TRAPPC9: variants seen among roughly 807,000 people sequenced by gnomAD.
The protein encoded by TRAPPC9 is trafficking protein particle complex subunit 9, also known as IKK2 binding protein.
A neutral mutation model predicts 124.0 loss-of-function variants in TRAPPC9; 83 were observed. That is an observed-to-expected ratio of 0.67 (90% CI 0.56 to 0.80). The LOEUF (loss-of-function observed/expected upper bound fraction) is 0.80, where lower values mean the gene tolerates loss of function less well. Among genes scored for constraint, TRAPPC9 ranks in the 30% least tolerant of loss-of-function variants. The pLI, the probability that TRAPPC9 is intolerant of heterozygous loss-of-function variation, is 0.00. For synonymous variants in TRAPPC9, 638 were observed against 617.5 expected (o/e 1.03, Z -0.49); for missense variants, 1,302 against 1,508.3 (o/e 0.86, Z 2.27).
chr8:140,402,885 G>A (rs761714322), intron 6 of TRAPPC9, among the ~76,000 whole-genome samples: 12 of 151,980 alleles, frequency 7.9e-5, no homozygotes, highest in Admixed American at 3.3e-4. Context: ...ATTGTGGTGC[G>A]ACAATGAGGT....
chr8:140,003,601 C>CAAAAAA (rs58826807), intron 18 of TRAPPC9, among the ~76,000 whole-genome samples: 3 of 91,358 alleles, frequency 3.3e-5, no homozygotes, highest in Admixed American at 1.2e-4. Context: ...GACCCTGTCA[C>CAAAAAA]AAAAAAAAAA....
chr8:140,208,414 A>G (rs575393489), intron 17 of TRAPPC9, among the ~76,000 whole-genome samples: 1 of 152,338 alleles, frequency 6.6e-6, no homozygotes, highest in South Asian at 2.1e-4. Context: ...CACCAGAAGT[A>G]GCGGCAGCAC....
chr8:140,376,180 A>T (rs942492578), intron 7 of TRAPPC9, among the ~76,000 whole-genome samples: 2 of 152,224 alleles, frequency 1.3e-5, no homozygotes, highest in Non-Finnish European at 2.9e-5. Flanking sequence ...AATGAAAACA[A>T]AGCAAAACAA....
chr8:139,844,456 C>T (rs528955112), intron 21 of TRAPPC9, among the ~76,000 whole-genome samples: 189 of 152,354 alleles, frequency 1.2e-3, no homozygotes, highest in African/African-American at 4.4e-3. Flanking sequence ...CGTTCCTTCC[C>T]TGCTCTTTCT....
chr8:139,827,496 G>C (rs1454304222), intron 21 of TRAPPC9, among the ~76,000 whole-genome samples: 1 of 152,224 alleles, frequency 6.6e-6, no homozygotes, highest in East Asian at 1.9e-4. Flanking sequence ...GGGGCTAAGG[G>C]AGATGGCCAC....
chr8:140,106,240 G>A (rs983746089), intron 17 of TRAPPC9, among the ~76,000 whole-genome samples: 3 of 152,134 alleles, frequency 2.0e-5, no homozygotes, highest in Admixed American at 1.3e-4. Flanking sequence ...GAGGCCCCGG[G>A]TCCCAAAGAA....
At chr8:139,849,623 T>C (rs1381141148) in intron 21 of TRAPPC9, among the ~76,000 whole-genome samples, 1 of 152,258 alleles carries the variant, frequency 6.6e-6, no homozygotes, top group African/African-American at 2.4e-5. Flanking sequence ...TATTCAATAA[T>C]GCGCCATATG....
intron 17 of TRAPPC9, chr8:140,096,742 G>A (rs1347612080): frequency 6.6e-6 from 1 of 152,214 alleles, no homozygotes; most frequent in Non-Finnish European, 1.5e-5. Flanking sequence ...GAGATACTGG[G>A]TAGGTAAGTG....
intron 20 of TRAPPC9, among the ~76,000 whole-genome samples, chr8:139,893,834 TCAAA>T (rs1248355904): frequency 2.0e-5 from 3 of 152,004 alleles, no homozygotes; most frequent in African/African-American, 7.3e-5. Flanking sequence ...CTCGGGAAGG[TCAAA>T]CAACTTGCTG....
At chr8:139,890,602 T>G (rs901461280) in intron 20 of TRAPPC9, among the ~76,000 whole-genome samples, 12 of 152,152 alleles carry the variant, frequency 7.9e-5, no homozygotes, top group African/African-American at 2.9e-4. Context: ...CCCTTCCCGG[T>G]CTGTTTTCTC....
rs1419336325 is a variant in TRAPPC9, at chr8:140,300,524, G to A, written c.1713C>T (p.Phe571=). ...LGQNVSTKSP[F]IYSPIIAHNR... is the part of the protein sequence containing the mutation. Reference sequence around the variant, plus strand: ...TGTGTGCGATAATTGGTGAATAGATGAAAGGACTTTTGGTTGACACGTTCT... The same window carrying A: ...TGTGTGCGATAATTGGTGAATAGATAAAAGGACTTTTGGTTGACACGTTCT... Residue 571 remains phenylalanine, a synonymous_variant, in exon 11 of 23, where the codon TTC becomes TTT. Coordinates refer to ENST00000438773, the MANE Select transcript of TRAPPC9 (RefSeq NM_001160372.4). 4.3e-6 allele frequency: 7 copies of A among 1,614,134 alleles called. No homozygotes were observed. Among genetic ancestry groups the A allele is most frequent in the Middle Eastern group, 3.3e-4 (2 of 6,084 alleles).
Position 139,728,206 on chromosome 8 carries a change from A to T in TRAPPC9, c.*2855T>A, listed in dbSNP as rs1057357165. Among the ~76,000 whole-genome samples, 26 of 152,182 alleles carry T rather than the reference A, an allele frequency of 1.7e-4. No homozygotes were observed. The highest frequency in any genetic ancestry group is 4.6e-4 in the Admixed American group (7 of 15,282). On this transcript the variant is annotated 3_prime_UTR_variant, in exon 23 of 23. Coordinates refer to ENST00000438773, the MANE Select transcript of TRAPPC9 (RefSeq NM_001160372.4). Reference sequence around the variant, plus strand: ...TCAGCATCTCAGACATCTTCCTTTGAATCCTTGCCTTCCTTGTGAATTTCA... The same window carrying T: ...TCAGCATCTCAGACATCTTCCTTTGTATCCTTGCCTTCCTTGTGAATTTCA...
chr8:139,805,539 T>C (rs1823989385), intron 21 of TRAPPC9, among the ~76,000 whole-genome samples: 1 of 152,210 alleles, frequency 6.6e-6, no homozygotes, highest in Non-Finnish European at 1.5e-5. Context: ...AGTGTGGGCT[T>C]GGCACTGTGC....
intron 4 of TRAPPC9, among the ~76,000 whole-genome samples, chr8:140,430,781 G>A (rs922822797): frequency 6.6e-6 from 1 of 152,122 alleles, no homozygotes; most frequent in African/African-American, 2.4e-5. Flanking sequence ...TGGGACTACA[G>A]GCACGCGCCA....
At chr8:139,846,211 G>A (rs918602484) in intron 21 of TRAPPC9, among the ~76,000 whole-genome samples, 1 of 152,250 alleles carries the variant, frequency 6.6e-6, no homozygotes, top group Non-Finnish European at 1.5e-5. Flanking sequence ...GTCCCAGCAA[G>A]AACAGATGCC....
intron 18 of TRAPPC9, among the ~76,000 whole-genome samples, chr8:139,996,158 C>CAAAAAAAAAAAAAAAAAAAAAAA: frequency 5.1e-5 from 1 of 19,424 alleles, no homozygotes; most frequent in African/African-American, 2.1e-4. Flanking sequence ...AAAACTTAAG[C>CAAAAAAAAAAAAAAAAAAAAAAA]AAAAAAAAAA....
rs1171345289 is a variant in TRAPPC9, at chr8:139,747,991, G to A, written c.3056-15789C>T. Reference sequence around the variant, plus strand: ...GTGCAGGGATCAGAGAAGATGCAGGGGGTATACACAGCAAGTGTCACAGCA... The same window carrying A: ...GTGCAGGGATCAGAGAAGATGCAGGAGGTATACACAGCAAGTGTCACAGCA... On this transcript the variant is annotated intron_variant, in intron 21 of 22. Transcript: ENST00000438773. Among the ~76,000 whole-genome samples, 106 of 51,040 alleles carry A rather than the reference G, an allele frequency of 2.1e-3. 1 individual carries two copies. Among genetic ancestry groups the A allele is most frequent in the East Asian group, 2.6e-3 (4 of 1,538 alleles). The allele number at this position is 51,040 out of a possible 152,430, so 33.5% of individuals were successfully genotyped here.
In TRAPPC9 at chr8:140,024,027, T is replaced by C. The variant is rs1162344962; in HGVS notation, c.2609A>G (p.Glu870Gly). Residue 870 changes from glutamate to glycine, a missense_variant, in exon 18 of 23, where the codon GAA (glutamate) becomes GGA (glycine). Physicochemically the swap from Glu to Gly is moderately conservative, Grantham distance 98. This residue lies in a region of TRAPPC9 where 640 missense variants were observed against 679.3 expected (regional missense o/e 0.94). Transcript: ENST00000438773. ...CAGGGAGAGATTCCTGTAATATCCT[T>C]CAGTGTGGCCCGGGCCTCCAGAGTA... ...FKYSGGPGHT[E>G]GYYRNLSLGL... 1 of 1,614,032 alleles carries C rather than the reference T, an allele frequency of 6.2e-7. No individual in the cohort carries two copies.
chr8:140,092,494 G>A (rs1234194963), intron 17 of TRAPPC9, among the ~76,000 whole-genome samples: 1 of 152,138 alleles, frequency 6.6e-6, no homozygotes, highest in Non-Finnish European at 1.5e-5. Flanking sequence ...ACCACGCGCG[G>A]CCACAGTGCA....
Sources: gnomAD v4.1 joint callset for allele counts (sites outside exome capture counted in the v4.1 genomes callset) on GRCh38, gnomAD v4.1.1 for gene constraint, gnomAD v4.1.1 regional missense constraint, MANE v1.5 for transcripts, NCBI Gene and HGNC (gene_info 2026-07-23, HGNC 2026-07-21) for gene names.